Variants in KLHL40 observed in about 807,000 individuals in gnomAD.
KLHL40 encodes the protein kelch like family member 40, also known as kelch-like protein 40.
In KLHL40, 44 loss-of-function variants were observed where a neutral mutation model predicts 49.7. The ratio of observed to expected loss-of-function variants is 0.89; its 90% confidence interval spans 0.70 to 1.14. The LOEUF is 1.14. Among genes scored for constraint, KLHL40 ranks in the 50% most tolerant of loss-of-function variants. The pLI, the probability that KLHL40 is intolerant of heterozygous loss-of-function variation, is 0.00. For synonymous variants in KLHL40, 409 were observed against 365.2 expected (o/e 1.12, Z -1.37); for missense variants, 892 against 850.3 (o/e 1.05, Z -0.61).
In KLHL40 at chr3:42,686,156, A is replaced by G. The variant is rs761632040; in HGVS notation, c.538A>G (p.Ile180Val). Reference sequence around the variant, plus strand: ...ACTCTCGGCCGACGAGCTCATCGCCATCATCTCCAGCGACGGCCTTAACGT... The same window carrying G: ...ACTCTCGGCCGACGAGCTCATCGCCGTCATCTCCAGCGACGGCCTTAACGT... ...LGLSADELIA[I>V]ISSDGLNVEK... The change falls in exon 1 of 6, where the codon ATC (isoleucine) becomes GTC (valine). Residue 180 changes from isoleucine to valine, a missense_variant. Coordinates refer to ENST00000287777, the MANE Select transcript of KLHL40 (RefSeq NM_152393.4). 1 of 1,594,744 alleles carries G rather than the reference A, an allele frequency of 6.3e-7. No homozygotes were observed.
In KLHL40 at chr3:42,688,273, C is replaced by T; in HGVS notation, c.1284C>T (p.Cys428=). The T allele has an allele frequency of 6.2e-7, 1 of 1,613,976 alleles. No homozygotes were observed. The highest frequency in any genetic ancestry group is 8.5e-7 in the Non-Finnish European group (1 of 1,180,016). ...GAGAGATCAAGGACGGCGAGCGCTG[C>T]CTGGACTCGGTCATGTGCTACGACA... is the stretch of plus-strand genomic sequence containing the variant. ...GGREIKDGER[C]LDSVMCYDRL... is the part of the protein sequence containing the mutation. The change falls in exon 2 of 6, where the codon TGC becomes TGT. Residue 428 remains cysteine, a synonymous_variant. Coordinates refer to ENST00000287777, the MANE Select transcript of KLHL40 (RefSeq NM_152393.4). The surrounding 1 kb of genome is among the most constrained non-coding windows in gnomAD (Gnocchi z 4.2).
At position 42,686,720 on chromosome 3, in the gene KLHL40, T is replaced by G. The variant is rs779945765; in HGVS notation, c.1102T>G (p.Phe368Val). 1 of 1,613,338 alleles carries G rather than the reference T, an allele frequency of 6.2e-7. No homozygotes were observed. The highest frequency in any genetic ancestry group is 1.3e-5 in the African/African-American group (1 of 75,050). Reference protein sequence around the residue: ...ENQVFVAGGLFYNEDNKEDPM... With the variant: ...ENQVFVAGGLVYNEDNKEDPM... ...CCAGGTCTTCGTGGCTGGAGGCCTC[T>G]TCTACAACGAAGACAACAAAGAGGA... is the stretch of plus-strand genomic sequence containing the variant. The change falls in exon 1 of 6, where the codon TTC (phenylalanine) becomes GTC (valine). Residue 368 changes from phenylalanine (F) to valine (V), a missense_variant. Coordinates refer to ENST00000287777, the MANE Select transcript of KLHL40 (RefSeq NM_152393.4).
In KLHL40 at chr3:42,686,237, G is replaced by A. The variant is rs1479459996; in HGVS notation, c.619G>A (p.Ala207Thr). The A allele has an allele frequency of 1.7e-5, 26 of 1,553,436 alleles. No homozygotes were observed. The highest frequency in any genetic ancestry group is 2.3e-5 in the Non-Finnish European group (26 of 1,151,158). ...AVMRWAGSGD[A>T]EAQAERQRAL... is the part of the protein sequence containing the mutation. ...GATGCGGTGGGCGGGTAGCGGCGAC[G>A]CCGAGGCGCAGGCTGAGCGCCAGCG... is the stretch of plus-strand genomic sequence containing the variant. The change falls in exon 1 of 6, where the codon GCC becomes ACC. Residue 207 changes from alanine (A) to threonine (T), a missense_variant. Ala to Thr is a moderately conservative substitution (Grantham distance 58). Transcript: ENST00000287777.
chr3:42,690,460 T>C (rs1438957621), intron 4 of KLHL40, among the ~76,000 whole-genome samples: 5 of 151,874 alleles, frequency 3.3e-5, no homozygotes, highest in East Asian at 1.9e-4. Context: ...AGAAGAAGGA[T>C]AGAGCAGGTG....
rs777146142 is a variant in KLHL40, at chr3:42,686,510, G to A, written c.892G>A (p.Ala298Thr). 6.2e-7 allele frequency: 1 copy of A among 1,614,158 alleles called. No homozygotes were observed. Among genetic ancestry groups the A allele is most frequent in the East Asian group, 2.2e-5 (1 of 44,880 alleles). ...AGCCAAAGCAGAGGAGGATGAGGAG[G>A]CCGAACGTATCCTTCCTGGGATCCT... ...SKAKAEEDEE[A>T]ERILPGILND... Residue 298 changes from alanine (A) to threonine (T), a missense_variant, in exon 1 of 6, where the codon GCC (alanine) becomes ACC (threonine). Coordinates refer to ENST00000287777, the MANE Select transcript of KLHL40 (RefSeq NM_152393.4).
At position 42,686,443 on chromosome 3, in the gene KLHL40, G is replaced by T; in HGVS notation, c.825G>T (p.Lys275Asn). 11 of 1,613,988 alleles carry T rather than the reference G, an allele frequency of 6.8e-6. No individual in the cohort carries two copies. Among genetic ancestry groups the T allele is most frequent in the Non-Finnish European group, 9.3e-6 (11 of 1,179,976 alleles). ...CGCTGCGGAAGAAAAAGAAGGGGAAGGATGGAGCCGGGGCCAAGGAGGCTG... is the reference window on the plus strand; with the variant it reads ...CGCTGCGGAAGAAAAAGAAGGGGAATGATGGAGCCGGGGCCAAGGAGGCTG... ...ITTLRKKKKGKDGAGAKEADK... is the reference protein window; with the variant it reads ...ITTLRKKKKGNDGAGAKEADK... The change falls in exon 1 of 6, where the codon AAG becomes AAT. Residue 275 changes from lysine to asparagine, a missense_variant. Transcript: ENST00000287777.
rs757184286 is a variant in KLHL40, at chr3:42,688,211, G to T, written c.1222G>T (p.Gly408Ter). Residue 408 changes from glycine to a stop codon, truncating the protein, a stop_gained, in exon 2 of 6, where the codon GGA (glycine) becomes TGA (stop). Transcript: ENST00000287777. LOFTEE classifies it high-confidence loss of function. The surrounding 1 kb of genome is among the most constrained non-coding windows in gnomAD (Gnocchi z 4.2). ...CTCGCCCCGCTGCCTCTTTGGCCTG[G>T]GAGAAGCTCTCAACTCCATCTACGT... ...LPSPRCLFGLGEALNSIYVVG... is the reference protein window; with the variant it reads ...LPSPRCLFGL The T allele has an allele frequency of 6.2e-7, 1 of 1,613,968 alleles. No individual in the cohort carries two copies. Among genetic ancestry groups the T allele is most frequent in the Non-Finnish European group, 8.5e-7 (1 of 1,180,006 alleles).
In KLHL40 at chr3:42,686,580, T is replaced by G. The variant is rs1697277221; in HGVS notation, c.962T>G (p.Phe321Cys). 1 of 1,613,986 alleles carries G rather than the reference T, an allele frequency of 6.2e-7. No homozygotes were observed. Among genetic ancestry groups the G allele is most frequent in the African/African-American group, 1.3e-5 (1 of 74,910 alleles). Residue 321 changes from phenylalanine to cysteine, a missense_variant, in exon 1 of 6, where the codon TTC becomes TGC. By Grantham distance (205) the Phe-to-Cys change is radical. Transcript: ENST00000287777. ...GGCATGTTCCTGCAGGATCTCATCT[T>G]CATGATCAGTGAGGAGGGCGCTGTG... is the stretch of plus-strand genomic sequence containing the variant. ...RFGMFLQDLI[F>C]MISEEGAVAY...
In KLHL40 at chr3:42,688,704, A is replaced by C. The variant is rs1279469590; in HGVS notation, c.1408A>C (p.Lys470Gln). ...GGACCTTGTCTACGTAATTGGCGGC[A>C]AAGGCAGTGACAGGTGAGGCTGGGC... is the stretch of plus-strand genomic sequence containing the variant. ...HMDLVYVIGG[K>Q]GSDRKCLNKM... is the part of the protein sequence containing the mutation. The change falls in exon 3 of 6, where the codon AAA (lysine) becomes CAA (glutamine). Residue 470 changes from lysine (K) to glutamine (Q), a missense_variant. Lys to Gln is a moderately conservative substitution (Grantham distance 53). Coordinates refer to ENST00000287777, the MANE Select transcript of KLHL40 (RefSeq NM_152393.4). The surrounding 1 kb of genome is among the most constrained non-coding windows in gnomAD (Gnocchi z 4.2). 1 of 1,613,620 alleles carries C rather than the reference A, an allele frequency of 6.2e-7. No homozygotes were observed. Among genetic ancestry groups the C allele is most frequent in the African/African-American group, 1.3e-5 (1 of 75,032 alleles).
Position 42,688,146 on chromosome 3 carries a change from A to G in KLHL40, c.1157A>G (p.Asp386Gly). 1 of 1,613,730 alleles carries G rather than the reference A, an allele frequency of 6.2e-7. No individual in the cohort carries two copies. Among genetic ancestry groups the G allele is most frequent in the South Asian group, 1.1e-5 (1 of 91,058 alleles). ...GACTGGACACCTGGCCTGCAGTTTG[A>G]CCATCTGGACTCAGAGTGGCTGGGG... is the stretch of plus-strand genomic sequence containing the variant. Reference protein sequence around the residue: ...DPMSAYFLQFDHLDSEWLGMP... With the variant: ...DPMSAYFLQFGHLDSEWLGMP... Residue 386 changes from aspartate (D) to glycine (G), a missense_variant, in exon 2 of 6, where the codon GAC (aspartate) becomes GGC (glycine). Asp to Gly is a moderately conservative substitution (Grantham distance 94, BLOSUM62 -1). Coordinates refer to ENST00000287777, the MANE Select transcript of KLHL40 (RefSeq NM_152393.4). The surrounding 1 kb of genome is among the most constrained non-coding windows in gnomAD (Gnocchi z 4.2).
chr3:42,689,864 T>A (rs1046208360), intron 4 of KLHL40, among the ~76,000 whole-genome samples: 1 of 152,136 alleles, frequency 6.6e-6, no homozygotes, highest in African/African-American at 2.4e-5. Context: ...AGTCTGCATT[T>A]CTAACGCACC....
Position 42,686,383 on chromosome 3 carries a change from G to A in KLHL40, c.765G>A (p.Gln255=). ...AGCCCGAGTTGCTGCGCAAGGTGCAGATGGTGAAGGATGCACACGAGGGCC... is the reference window on the plus strand; with the variant it reads ...AGCCCGAGTTGCTGCGCAAGGTGCAAATGGTGAAGGATGCACACGAGGGCC... The part of the protein sequence containing the change: ...RAQPELLRKV[Q]MVKDAHEGRI... The change falls in exon 1 of 6, where the codon CAG becomes CAA. Residue 255 remains glutamine, a synonymous_variant. Coordinates refer to ENST00000287777, the MANE Select transcript of KLHL40 (RefSeq NM_152393.4). 1.2e-6 allele frequency: 2 copies of A among 1,613,534 alleles called. No individual in the cohort carries two copies. The highest frequency in any genetic ancestry group is 1.3e-5 in the African/African-American group (1 of 75,072).
intron 4 of KLHL40, among the ~76,000 whole-genome samples, chr3:42,690,109 AC>A (rs1697338008): frequency 6.6e-6 from 1 of 151,592 alleles, no homozygotes; most frequent in Admixed American, 6.6e-5. Flanking sequence ...GTCCAAAAGG[AC>A]CCCACCCGGG....
In KLHL40 at chr3:42,692,170, T is replaced by C; in HGVS notation, c.*177T>C. ...GAAGTGCTGCTTAGTCCTGGACTTT[T>C]GGGCAAGGGTGAGAAACTAGAGGCT... On this transcript the variant is annotated 3_prime_UTR_variant, in exon 6 of 6. Transcript: ENST00000287777. The C allele has an allele frequency of 1.7e-6, 1 of 588,336 alleles. No homozygotes were observed. The highest frequency in any genetic ancestry group is 3.1e-6 in the Non-Finnish European group (1 of 327,330). 36.4% of individuals were successfully genotyped at this position (588,336 alleles called of 1,614,324 possible).
In KLHL40 at chr3:42,688,560, G is replaced by A. The variant is rs754168703; in HGVS notation, c.1314-50G>A. The A allele has an allele frequency of 7.2e-7, 1 of 1,390,180 alleles. No homozygotes were observed. The highest frequency in any genetic ancestry group is 1.7e-5 in the Admixed American group (1 of 57,944). 86.1% of individuals were successfully genotyped at this position (1,390,180 alleles called of 1,614,324 possible). A position where few individuals can be genotyped will look rare whatever the true frequency, so the allele number is the denominator to read the frequency against. Reference sequence around the variant, plus strand: ...GGATGGGTGCAGAGACAGGGACTGAGCCGAGCCTGGATGGGTGCCCTCCCC... The same window carrying A: ...GGATGGGTGCAGAGACAGGGACTGAACCGAGCCTGGATGGGTGCCCTCCCC... On this transcript the variant is annotated intron_variant, in intron 2 of 5. Coordinates refer to ENST00000287777, the MANE Select transcript of KLHL40 (RefSeq NM_152393.4). The surrounding 1 kb of genome is among the most constrained non-coding windows in gnomAD (Gnocchi z 4.2).
intron 1 of KLHL40, 22 bp downstream of exon 1, chr3:42,686,792 C>A: frequency 6.3e-7 from 1 of 1,581,394 alleles, no homozygotes; most frequent in Non-Finnish European, 8.6e-7. Context: ...GCCTTGGGAG[C>A]CGCCAGCTAA....
chr3:42,688,601 C>T lies in KLHL40; in HGVS notation c.1314-9C>T. ...TGCCCTCCCCCACCCCCACTCCCGT[C>T]TCCTCCAGGTCATTCAAATGGGGTG... On this transcript the variant is annotated splice_polypyrimidine_tract_variant and intron_variant, in intron 2 of 5. Coordinates refer to ENST00000287777, the MANE Select transcript of KLHL40 (RefSeq NM_152393.4). This position sits in a 1 kb window ranked among gnomAD's most constrained non-coding sequence, Gnocchi z 4.2. 1 of 1,609,248 alleles carries T rather than the reference C, an allele frequency of 6.2e-7. No homozygotes were observed. Among genetic ancestry groups the T allele is most frequent in the South Asian group, 1.1e-5 (1 of 90,908 alleles).
rs533465844 is a variant in KLHL40, at chr3:42,692,261, C to G, written c.*268C>G. 1.2e-5 allele frequency: 6 copies of G among 500,936 alleles called. No individual in the cohort carries two copies. Among genetic ancestry groups the G allele is most frequent in the South Asian group, 8.1e-5 (3 of 37,004 alleles). The allele number at this position is 500,936 out of a possible 1,614,324, so 31.0% of individuals were successfully genotyped here. ...TGAACCAGAACCACAGGGCGGTATC[C>G]CAGGCCGTGTGCTGGCCCTGCCCCA... On this transcript the variant is annotated 3_prime_UTR_variant, in exon 6 of 6. Transcript: ENST00000287777.
chr3:42,691,277 T>C (rs1294234316), intron 5 of KLHL40, among the ~76,000 whole-genome samples: 1 of 152,154 alleles, frequency 6.6e-6, no homozygotes, highest in Non-Finnish European at 1.5e-5. Flanking sequence ...GCTTAGGTCA[T>C]AGACTCACAG....
Sources: gnomAD v4.1 joint callset for allele counts (sites outside exome capture counted in the v4.1 genomes callset) on GRCh38, gnomAD v4.1.1 for gene constraint, Gnocchi (gnomAD v3.1) non-coding constraint, MANE v1.5 for transcripts, NCBI Gene and HGNC (gene_info 2026-07-23, HGNC 2026-07-21) for gene names.